The following ACVR1B variants were observed in gnomAD, a reference collection of about 807,000 sequenced individuals.
The protein encoded by ACVR1B is activin receptor type-1B.
Under a neutral mutation model 55.6 loss-of-function variants are expected in ACVR1B, and 15 were observed. That is an observed-to-expected ratio of 0.27 (90% CI 0.18 to 0.42). ACVR1B has a LOEUF of 0.42. Ranked by LOEUF, ACVR1B falls within the 10% of genes least tolerant of loss-of-function variation. The probability of loss-of-function intolerance (pLI) is 1.00; values close to 1 mark genes in which losing one functional copy is unlikely to be tolerated. For missense variants in ACVR1B, 359 were observed against 670.1 expected, an observed-to-expected ratio of 0.54 and a Z score of 5.13; for synonymous variants, 247 against 254.6, an observed-to-expected ratio of 0.97 and a Z score of 0.28.
At chr12:51,966,938 CACTTAAAA>C (rs1407693853) in intron 1 of ACVR1B, among the ~76,000 whole-genome samples, 1 of 152,004 alleles carries the variant, frequency 6.6e-6, no homozygotes, top group African/African-American at 2.4e-5. Flanking sequence ...AAATTAAAGG[CACTTAAAA>C]ACATTAAAGG....
intron 7 of ACVR1B, among the ~76,000 whole-genome samples, chr12:51,991,454 T>G (rs1026749829): frequency 2.6e-5 from 4 of 152,242 alleles, no homozygotes; most frequent in African/African-American, 9.6e-5. Context: ...CAGGCTGGAG[T>G]GCAGTGGCAT....
chr12:51,963,102 G>A (rs2120484004), intron 1 of ACVR1B, among the ~76,000 whole-genome samples: 1 of 152,256 alleles, frequency 6.6e-6, no homozygotes, highest in East Asian at 1.9e-4. Context: ...GGGATTTATG[G>A]TAGTAATTTT....
intron 1 of ACVR1B, among the ~76,000 whole-genome samples, chr12:51,958,572 C>T (rs985906161): frequency 4.6e-5 from 7 of 150,708 alleles, no homozygotes; most frequent in East Asian, 2.0e-4. Context: ...AGCTTGAATC[C>T]GGGAGGCGGA....
At chr12:51,977,340 C>T (rs372659635) in intron 3 of ACVR1B, among the ~76,000 whole-genome samples, 1 of 152,086 alleles carries the variant, frequency 6.6e-6, no homozygotes, top group East Asian at 1.9e-4. Context: ...CTCTGTTTCC[C>T]AGGCAGGAGT....
intron 1 of ACVR1B, among the ~76,000 whole-genome samples, chr12:51,973,852 T>C (rs946277902): frequency 2.6e-5 from 4 of 152,190 alleles, no homozygotes; most frequent in African/African-American, 9.7e-5. Context: ...GGCTGCCTCC[T>C]TGGTTTCCTC....
intron 1 of ACVR1B, among the ~76,000 whole-genome samples, chr12:51,958,225 T>C (rs898919632): frequency 1.3e-5 from 2 of 152,200 alleles, no homozygotes; most frequent in Non-Finnish European, 2.9e-5. Flanking sequence ...GAAGTCCCAT[T>C]TCCAGACTGC....
At chr12:51,987,253 A>G in intron 7 of ACVR1B, 2 of 624,368 alleles carry the variant, frequency 3.2e-6, no homozygotes, top group East Asian at 5.5e-5. Context: ...ATAGCACGGG[A>G]TTCATGCAGT....
intron 7 of ACVR1B, among the ~76,000 whole-genome samples, chr12:51,989,978 C>A (rs897528465): frequency 6.8e-6 from 1 of 147,522 alleles, no homozygotes; most frequent in African/African-American, 2.5e-5. Context: ...GTGGAGACTC[C>A]GTCTCAAAAA....
Position 51,951,847 on chromosome 12 carries a change from A to T in ACVR1B, c.91+13A>T, listed in dbSNP as rs768997035. 2 of 1,255,308 alleles carry T rather than the reference A, an allele frequency of 1.6e-6. No individual in the cohort carries two copies. Among genetic ancestry groups the T allele is most frequent in the South Asian group, 7.5e-5 (2 of 26,662 alleles). 77.8% of individuals were successfully genotyped at this position (1,255,308 alleles called of 1,614,324 possible). A position where few individuals can be genotyped will look rare whatever the true frequency, so the allele number is the denominator to read the frequency against. On this transcript the variant is annotated intron_variant, in intron 1 of 8. Coordinates refer to ENST00000257963, the MANE Select transcript of ACVR1B (RefSeq NM_004302.5). ...CGGGGGGTCCAGGGTGAGTCCTGGG[A>T]CGGGGGGCGGGGGCCGGGATGGAGA... is the stretch of plus-strand genomic sequence containing the variant.
In ACVR1B at chr12:51,976,439, C is replaced by T. The variant is rs1311136898; in HGVS notation, c.444C>T (p.Val148=). 6.2e-7 allele frequency: 1 copy of T among 1,614,046 alleles called. No homozygotes were observed. Among genetic ancestry groups the T allele is most frequent in the African/African-American group, 1.3e-5 (1 of 74,908 alleles). ...LFLIIIIVFL[V]INYHQRVYHN... ...TCATCATCATCATTGTTTTCCTTGTCATTAACTATCATCAGCGTGTCTATC... is the reference window on the plus strand; with the variant it reads ...TCATCATCATCATTGTTTTCCTTGTTATTAACTATCATCAGCGTGTCTATC... Residue 148 remains valine (V), a synonymous_variant, in exon 3 of 9, where the codon GTC becomes GTT. Coordinates refer to ENST00000257963, the MANE Select transcript of ACVR1B (RefSeq NM_004302.5).
chr12:51,955,473 A>G (rs902871477), intron 1 of ACVR1B, among the ~76,000 whole-genome samples: 8 of 152,228 alleles, frequency 5.3e-5, no homozygotes, highest in Non-Finnish European at 1.2e-4. Context: ...ATTGGGTTGC[A>G]GTCTGTTCTC....
chr12:51,970,367 G>A (rs956763016), intron 1 of ACVR1B, among the ~76,000 whole-genome samples: 7 of 152,144 alleles, frequency 4.6e-5, no homozygotes, highest in Admixed American at 6.5e-5. Context: ...TAACTTCTCC[G>A]AGGCTTTACT....
In ACVR1B at chr12:51,985,226, A is replaced by G. The variant is rs1327896715; in HGVS notation, c.1014A>G (p.Ser338=). The change falls in exon 6 of 9, where the codon TCA becomes TCG. Residue 338 remains serine (S), a synonymous_variant. Coordinates refer to ENST00000257963, the MANE Select transcript of ACVR1B (RefSeq NM_004302.5). The part of the protein sequence containing the change: ...KPGIAHRDLK[S]KNILVKKNGM... Reference sequence around the variant, plus strand: ...GAATTGCTCATCGAGACTTAAAGTCAAAGAACATTCTGGTGAAGAAAAATG... The same window carrying G: ...GAATTGCTCATCGAGACTTAAAGTCGAAGAACATTCTGGTGAAGAAAAATG... The G allele has an allele frequency of 6.2e-7, 1 of 1,613,470 alleles. No homozygotes were observed. The highest frequency in any genetic ancestry group is 8.5e-7 in the Non-Finnish European group (1 of 1,179,784).
chr12:51,969,202 G>A (rs927894418), intron 1 of ACVR1B, among the ~76,000 whole-genome samples: 8 of 152,150 alleles, frequency 5.3e-5, no homozygotes, highest in African/African-American at 1.9e-4. Flanking sequence ...TTAAATGGTT[G>A]TTCTATGCCA....
At position 51,951,722 on chromosome 12, in the gene ACVR1B, G is replaced by A. The variant is rs1255983451; in HGVS notation, c.-22G>A. 3 of 1,195,672 alleles carry A rather than the reference G, an allele frequency of 2.5e-6. No individual in the cohort carries two copies. Among genetic ancestry groups the A allele is most frequent in the Non-Finnish European group, 3.1e-6 (3 of 953,018 alleles). 74.1% of individuals were successfully genotyped at this position (1,195,672 alleles called of 1,614,324 possible). A position where few individuals can be genotyped will look rare whatever the true frequency, so the allele number is the denominator to read the frequency against. ...CTGGGCGCTGCTGGGCTGCGGCGGC[G>A]GCGGCGGCGGCGGTGGTTACTATGG... is the stretch of plus-strand genomic sequence containing the variant. On this transcript the variant is annotated 5_prime_UTR_variant, in exon 1 of 9. Transcript: ENST00000257963.
At chr12:51,961,538 C>T (rs1287199052) in intron 1 of ACVR1B, among the ~76,000 whole-genome samples, 2 of 152,168 alleles carry the variant, frequency 1.3e-5, no homozygotes, top group Admixed American at 6.5e-5. Context: ...AACTTGATCT[C>T]TCAACCTCAT....
Position 51,991,867 on chromosome 12 carries a change from C to T in ACVR1B, c.1266C>T (p.Val422=), listed in dbSNP as rs748761194. Reference sequence around the variant, plus strand: ...AGATACTTTCTTTTCTCCCAGGAGTCCATGAAGAATATCAGCTGCCATATT... The same window carrying T: ...AGATACTTTCTTTTCTCCCAGGAGTTCATGAAGAATATCAGCTGCCATATT... ...EIARRCNSGG[V]HEEYQLPYYD... The change falls in exon 8 of 9, where the codon GTC becomes GTT. Residue 422 remains valine, a synonymous_variant. Transcript: ENST00000257963. 1.2e-6 allele frequency: 2 copies of T among 1,613,110 alleles called. No homozygotes were observed. The highest frequency in any genetic ancestry group is 4.5e-5 in the East Asian group (2 of 44,890).
At position 51,994,235 on chromosome 12, in the gene ACVR1B, C is replaced by A; in HGVS notation, c.*125C>A. 7.2e-7 allele frequency: 1 copy of A among 1,394,444 alleles called. No homozygotes were observed. Among genetic ancestry groups the A allele is most frequent in the Non-Finnish European group, 9.7e-7 (1 of 1,029,328 alleles). The allele number at this position is 1,394,444 out of a possible 1,614,324, so 86.4% of individuals were successfully genotyped here. On this transcript the variant is annotated 3_prime_UTR_variant, in exon 9 of 9. Coordinates refer to ENST00000257963, the MANE Select transcript of ACVR1B (RefSeq NM_004302.5). The surrounding 1 kb of genome is among the most constrained non-coding windows in gnomAD (Gnocchi z 4.2). ...CTCTGTGGCCAGGAGCCCTGGCCCG[C>A]AAGAGGGACAGAGCCCGGGAGAGAC...
chr12:51,973,173 GC>G (rs1941778220), intron 1 of ACVR1B, among the ~76,000 whole-genome samples: 1 of 152,224 alleles, frequency 6.6e-6, no homozygotes, highest in Non-Finnish European at 1.5e-5. Flanking sequence ...GGAAGCAGAG[GC>G]TCCTGACTAT....
Sources: gnomAD v4.1 joint callset for allele counts (sites outside exome capture counted in the v4.1 genomes callset) on GRCh38, gnomAD v4.1.1 for gene constraint, Gnocchi (gnomAD v3.1) non-coding constraint, MANE v1.5 for transcripts, NCBI Gene and HGNC (gene_info 2026-07-23, HGNC 2026-07-21) for gene names.